The following AGBL1 variants were observed in gnomAD, a reference collection of about 807,000 sequenced individuals.
AGBL1 encodes the protein AGBL carboxypeptidase 1.
A neutral mutation model predicts 118.9 loss-of-function variants in AGBL1; 130 were observed. The observed-to-expected ratio is 1.09, with a 90% confidence interval of 0.95 to 1.26. The LOEUF (loss-of-function observed/expected upper bound fraction) is 1.26, where lower values mean the gene tolerates loss of function less well. Ranked by LOEUF, AGBL1 falls within the 50% of genes most tolerant of loss-of-function variation. The pLI is 0.00. For synonymous variants in AGBL1, 555 were observed against 478.9 expected (o/e 1.16, Z -2.08); for missense variants, 1,584 against 1,298.1 (o/e 1.22, Z -3.38).
chr15:86,921,342 C>T (rs981686104), intron 23 of AGBL1, among the ~76,000 whole-genome samples: 1 of 152,116 alleles, frequency 6.6e-6, no homozygotes, highest in Non-Finnish European at 1.5e-5. Flanking sequence ...CCTCAGTCTC[C>T]TCTTGTCTGA....
intron 22 of AGBL1, among the ~76,000 whole-genome samples, chr15:86,690,180 A>C (rs1431095381): frequency 6.6e-6 from 1 of 152,130 alleles, no homozygotes; most frequent in Non-Finnish European, 1.5e-5. Context: ...TTCTTTTGTT[A>C]GCTGTCTTCA....
chr15:86,420,176 A>G (rs2081766956), intron 18 of AGBL1, among the ~76,000 whole-genome samples: 1 of 152,194 alleles, frequency 6.6e-6, no homozygotes, highest in African/African-American at 2.4e-5. Flanking sequence ...ACAGGGAGAC[A>G]TCTCCTAGCA....
chr15:86,732,395 A>G (rs1176092992), intron 22 of AGBL1, among the ~76,000 whole-genome samples: 11 of 152,184 alleles, frequency 7.2e-5, no homozygotes, highest in Non-Finnish European at 1.3e-4. Flanking sequence ...AACTGTTTGT[A>G]ACTATGTAGC....
chr15:86,375,746 C>T (rs1189022725), intron 17 of AGBL1, among the ~76,000 whole-genome samples: 3 of 152,196 alleles, frequency 2.0e-5, no homozygotes, highest in African/African-American at 7.2e-5. Context: ...CTGTACTTTG[C>T]ACTGCTGCTG....
chr15:86,357,648 C>G (rs1257949857), intron 17 of AGBL1, among the ~76,000 whole-genome samples: 2 of 152,028 alleles, frequency 1.3e-5, no homozygotes, highest in Non-Finnish European at 2.9e-5. Context: ...ATCTACTTCC[C>G]TCCTTTACCT....
intron 22 of AGBL1, among the ~76,000 whole-genome samples, chr15:86,838,065 A>G (rs1034092853): frequency 1.3e-5 from 2 of 152,122 alleles, no homozygotes; most frequent in Admixed American, 6.5e-5. Context: ...CAGTTATGCT[A>G]TGGAAACTAA....
At chr15:86,369,833 G>A (rs965661174) in intron 17 of AGBL1, among the ~76,000 whole-genome samples, 1 of 152,072 alleles carries the variant, frequency 6.6e-6, no homozygotes, top group Non-Finnish European at 1.5e-5. Flanking sequence ...GATCTATCAA[G>A]CCCCTACCAA....
At chr15:86,948,590 C>T (rs1465512258) in intron 23 of AGBL1, among the ~76,000 whole-genome samples, 1 of 152,160 alleles carries the variant, frequency 6.6e-6, no homozygotes, top group Non-Finnish European at 1.5e-5. Flanking sequence ...TTATGCGTGG[C>T]CCATCATATT....
intron 17 of AGBL1, among the ~76,000 whole-genome samples, chr15:86,303,716 CA>C (rs2079791936): frequency 6.6e-6 from 1 of 152,130 alleles, no homozygotes; most frequent in South Asian, 2.1e-4. Flanking sequence ...ACAGTTATTA[CA>C]GCAGAAACAT....
chr15:86,195,622 T>G (rs4390561), intron 5 of AGBL1, among the ~76,000 whole-genome samples: 32,670 of 152,064 alleles, frequency 0.21, 3,813 homozygotes, highest in South Asian at 0.3. Flanking sequence ...TAAAGTGAGA[T>G]TTGACTCCAA....
At chr15:86,851,801 C>A (rs1325752405) in intron 22 of AGBL1, among the ~76,000 whole-genome samples, 1 of 152,074 alleles carries the variant, frequency 6.6e-6, no homozygotes. Flanking sequence ...ATGAAGGATG[C>A]AGGAGATATT....
At chr15:86,307,081 G>C (rs1597712337) in intron 17 of AGBL1, among the ~76,000 whole-genome samples, 1 of 151,938 alleles carries the variant, frequency 6.6e-6, no homozygotes, top group African/African-American at 2.4e-5. Flanking sequence ...TTGTCAGAGG[G>C]GAGTTTTAAA....
At chr15:86,574,699 T>C (rs2084059336) in intron 21 of AGBL1, among the ~76,000 whole-genome samples, 2 of 149,448 alleles carry the variant, frequency 1.3e-5, no homozygotes, top group Admixed American at 6.7e-5. Context: ...TGCCTCAGTC[T>C]CCTGAGTACC....
intron 21 of AGBL1, among the ~76,000 whole-genome samples, chr15:86,643,006 G>A (rs900453569): frequency 2.6e-5 from 4 of 152,144 alleles, no homozygotes; most frequent in Non-Finnish European, 5.9e-5. Context: ...ATGATTATAT[G>A]ACATCAATGA....
In AGBL1 at chr15:86,755,373, C is replaced by A. The variant is rs539606644; in HGVS notation, c.3158+80937C>A. On this transcript the variant is annotated intron_variant, in intron 22 of 22. Transcript: ENST00000614907. ...AGCTGAGTAGCGGACAGACCAGGAA[C>A]ACCCAGAGTCCTGAGAAGGCAAGCT... Among the ~76,000 whole-genome samples, 425 of 152,204 alleles carry A rather than the reference C, an allele frequency of 2.8e-3. 6 individuals carry two copies. The South Asian group carries it at 0.051, about 18-fold the overall frequency.
chr15:87,009,995 T>TTGAG (rs1215624787), intron 24 of AGBL1, among the ~76,000 whole-genome samples: 1 of 152,264 alleles, frequency 6.6e-6, no homozygotes, highest in East Asian at 1.9e-4. Flanking sequence ...CTGTGGACTA[T>TTGAG]TGAGTTAATG....
chr15:86,879,163 CCT>C (rs2079855893), intron 22 of AGBL1, among the ~76,000 whole-genome samples: 1 of 152,162 alleles, frequency 6.6e-6, no homozygotes, highest in Admixed American at 6.6e-5. Flanking sequence ...CCCCATTCAT[CCT>C]CTCTTTGGCC....
intron 22 of AGBL1, among the ~76,000 whole-genome samples, chr15:86,896,056 A>T (rs1056296204): frequency 2.0e-5 from 3 of 152,082 alleles, no homozygotes; most frequent in African/African-American, 7.2e-5. Context: ...ACATTTAACC[A>T]TTCTATTAAG....
intron 22 of AGBL1, among the ~76,000 whole-genome samples, chr15:86,773,535 A>G (rs1006167453): frequency 2.1e-4 from 26 of 120,986 alleles, no homozygotes; most frequent in African/African-American, 8.3e-4. Flanking sequence ...CTGGTGTGTG[A>G]TGTTCCCCTT....
Sources: gnomAD v4.1 joint callset for allele counts (sites outside exome capture counted in the v4.1 genomes callset) on GRCh38, gnomAD v4.1.1 for gene constraint, MANE v1.5 for transcripts, NCBI Gene and HGNC (gene_info 2026-07-23, HGNC 2026-07-21) for gene names.